KCNN3: variants seen among roughly 807,000 people sequenced by gnomAD.
KCNN3 encodes the protein small conductance calcium-activated potassium channel protein 3.
A neutral mutation model predicts 62.9 loss-of-function variants in KCNN3; 16 were observed. The ratio of observed to expected loss-of-function variants is 0.25; its 90% confidence interval spans 0.17 to 0.39. KCNN3 has a LOEUF of 0.39. Among genes scored for constraint, KCNN3 ranks in the 10% least tolerant of loss-of-function variants. KCNN3 has a pLI of 1.00. For synonymous variants in KCNN3, 370 were observed against 389.2 expected, an observed-to-expected ratio of 0.95 and a Z score of 0.58; for missense variants, 599 against 949.4, an observed-to-expected ratio of 0.63 and a Z score of 4.85.
chr1:154,743,337 C>T (rs971083766), intron 3 of KCNN3, among the ~76,000 whole-genome samples: 1 of 152,178 alleles, frequency 6.6e-6, no homozygotes, highest in African/African-American at 2.4e-5. Flanking sequence ...AGTCCTGTTA[C>T]AGTAGTCAGA....
At chr1:154,784,476 T>G (rs1649191526) in intron 2 of KCNN3, among the ~76,000 whole-genome samples, 1 of 152,218 alleles carries the variant, frequency 6.6e-6, no homozygotes, top group Admixed American at 6.5e-5. Flanking sequence ...TCTTCTCAGC[T>G]TCTTCACCAG....
chr1:154,706,409 C>T lies in KCNN3; in HGVS notation c.*1567G>A, dbSNP rs1345589510. The T allele has an allele frequency of 2.0e-5, 3 of 152,166 alleles. No individual in the cohort carries two copies. Among genetic ancestry groups the T allele is most frequent in the Non-Finnish European group, 2.9e-5 (2 of 68,018 alleles). 9.4% of individuals were successfully genotyped at this position (152,166 alleles called of 1,614,324 possible). On this transcript the variant is annotated 3_prime_UTR_variant, in exon 8 of 8. Transcript: ENST00000271915. ...AGTCCATACAGTGCCATTCAATTTC[C>T]CACAGGCAGAAACCAAAGACCTCAG...
chr1:154,824,557 C>A (rs1214081177), intron 1 of KCNN3, among the ~76,000 whole-genome samples: 1 of 152,198 alleles, frequency 6.6e-6, no homozygotes, highest in Non-Finnish European at 1.5e-5. Flanking sequence ...AACTGGGGAT[C>A]AACTGGGGAC....
intron 1 of KCNN3, among the ~76,000 whole-genome samples, chr1:154,823,657 A>C (rs925765855): frequency 4.6e-5 from 7 of 152,192 alleles, no homozygotes; most frequent in Non-Finnish European, 7.3e-5. Flanking sequence ...AATAGACCTA[A>C]ATGACATCTT....
At chr1:154,789,153 T>G (rs1649405930) in intron 2 of KCNN3, among the ~76,000 whole-genome samples, 1 of 152,182 alleles carries the variant, frequency 6.6e-6, no homozygotes, top group African/African-American at 2.4e-5. Context: ...TTTTCCAGCT[T>G]CCAGAGAGGG....
chr1:154,728,099 C>T (rs1297651689), intron 4 of KCNN3, among the ~76,000 whole-genome samples: 1 of 152,348 alleles, frequency 6.6e-6, no homozygotes, highest in African/African-American at 2.4e-5. Flanking sequence ...TCACAACAAT[C>T]AATCATCCAC....
chr1:154,843,548 G>A (rs1360978631), intron 1 of KCNN3, among the ~76,000 whole-genome samples: 9 of 152,188 alleles, frequency 5.9e-5, no homozygotes, highest in Admixed American at 5.2e-4. Flanking sequence ...TTACAAGTGT[G>A]AGCCACTGCG....
At chr1:154,810,737 G>C (rs182535632) in intron 2 of KCNN3, among the ~76,000 whole-genome samples, 7 of 152,330 alleles carry the variant, frequency 4.6e-5, no homozygotes, top group Non-Finnish European at 7.4e-5. Flanking sequence ...TTACTGTTCA[G>C]CCCTAGGCTT....
intron 1 of KCNN3, among the ~76,000 whole-genome samples, chr1:154,861,706 C>T (rs1482879790): frequency 5.3e-5 from 8 of 152,206 alleles, no homozygotes; most frequent in Non-Finnish European, 1.0e-4. Flanking sequence ...CATAAACCAC[C>T]GTCCGCCTGG....
chr1:154,793,899 G>GCC, intron 2 of KCNN3, among the ~76,000 whole-genome samples: 3 of 152,148 alleles, frequency 2.0e-5, no homozygotes, highest in African/African-American at 7.2e-5. Context: ...GAGAGCATCC[G>GCC]TCATTCCATC....
intron 3 of KCNN3, among the ~76,000 whole-genome samples, chr1:154,771,691 T>A (rs1648565807): frequency 6.6e-6 from 1 of 152,184 alleles, no homozygotes; most frequent in Non-Finnish European, 1.5e-5. Context: ...TATATGTGAG[T>A]TACTGATGTA....
chr1:154,833,448 G>A (rs895619348), intron 1 of KCNN3, among the ~76,000 whole-genome samples: 3 of 152,150 alleles, frequency 2.0e-5, no homozygotes, highest in Non-Finnish European at 4.4e-5. Context: ...CATTCTGAGG[G>A]CAGCATCACC....
chr1:154,865,457 G>A (rs139597657), intron 1 of KCNN3, among the ~76,000 whole-genome samples: 1 of 152,130 alleles, frequency 6.6e-6, no homozygotes, highest in Admixed American at 6.5e-5. Flanking sequence ...TCATGTCCCA[G>A]GCATAATAAT....
At chr1:154,815,399 G>A (rs1413245557) in intron 2 of KCNN3, among the ~76,000 whole-genome samples, 1 of 152,068 alleles carries the variant, frequency 6.6e-6, no homozygotes, top group Non-Finnish European at 1.5e-5. Flanking sequence ...CCTGGCGAAT[G>A]CAGGGCACAG....
intron 5 of KCNN3, among the ~76,000 whole-genome samples, chr1:154,723,011 T>G (rs1303639755): frequency 6.6e-6 from 1 of 152,184 alleles, no homozygotes; most frequent in East Asian, 1.9e-4. Flanking sequence ...ATTACAGGCG[T>G]GAGCCACCGC....
chr1:154,837,004 G>C (rs974119353), intron 1 of KCNN3, among the ~76,000 whole-genome samples: 1 of 152,222 alleles, frequency 6.6e-6, no homozygotes, highest in Non-Finnish European at 1.5e-5. Flanking sequence ...ATCTAGGTGG[G>C]GAACAACACT....
chr1:154,699,282 G>C lies in KCNN3; in HGVS notation c.*8694C>G, dbSNP rs879721607. 1 of 150,874 alleles carries C rather than the reference G, an allele frequency of 6.6e-6. No individual in the cohort carries two copies. Among genetic ancestry groups the C allele is most frequent in the African/African-American group, 2.4e-5 (1 of 40,920 alleles). 9.3% of individuals were successfully genotyped at this position (150,874 alleles called of 1,614,324 possible). ...CCGAATAGAACCTCTCTATGTAAAG[G>C]TCTCACTAAACAAATAAACATAGGA... On this transcript the variant is annotated 3_prime_UTR_variant, in exon 8 of 8. Coordinates refer to ENST00000271915, the MANE Select transcript of KCNN3 (RefSeq NM_002249.6).
At chr1:154,739,856 G>C (rs1178661469) in intron 3 of KCNN3, among the ~76,000 whole-genome samples, 1 of 152,268 alleles carries the variant, frequency 6.6e-6, no homozygotes, top group Non-Finnish European at 1.5e-5. Flanking sequence ...CACATGAGTA[G>C]CTTAGAAGCA....
At chr1:154,853,826 C>T (rs578096984) in intron 1 of KCNN3, among the ~76,000 whole-genome samples, 1 of 152,250 alleles carries the variant, frequency 6.6e-6, no homozygotes, top group Admixed American at 6.5e-5. Context: ...TGCCTGCAAT[C>T]CCAGCTACTC....
Sources: allele counts gnomAD v4.1 joint callset (sites outside exome capture counted in the v4.1 genomes callset), GRCh38; gene constraint gnomAD v4.1.1; transcripts MANE v1.5; gene names NCBI Gene and HGNC (gene_info 2026-07-23, HGNC 2026-07-21).